Variants in FOXO3 observed in about 807,000 individuals in gnomAD.
The protein encoded by FOXO3 is forkhead box O3.
A neutral mutation model predicts 41.9 loss-of-function variants in FOXO3; 4 were observed. The observed-to-expected ratio is 0.10, with a 90% confidence interval of 0.05 to 0.22. The LOEUF (loss-of-function observed/expected upper bound fraction) is 0.22. FOXO3 is among the 10% of genes least tolerant of loss of function. The probability of loss-of-function intolerance (pLI) is 1.00; values close to 1 mark genes in which losing one functional copy is unlikely to be tolerated. For synonymous variants in FOXO3, 318 were observed against 389.3 expected (o/e 0.82, Z 2.16); for missense variants, 534 against 906.8 (o/e 0.59, Z 5.28).
intron 1 of FOXO3, among the ~76,000 whole-genome samples, chr6:108,597,780 G>A (rs1179687603): frequency 6.6e-6 from 1 of 152,118 alleles, no homozygotes; most frequent in Non-Finnish European, 1.5e-5. Context: ...AGCTATTTCA[G>A]GAACAAACAG....
intron 1 of FOXO3, chr6:108,618,181 C>T: frequency 1.0e-6 from 1 of 997,708 alleles, no homozygotes. Flanking sequence ...GTGGTGTATG[C>T]CTCTTAATCT....
chr6:108,573,416 T>C (rs1371650228), intron 1 of FOXO3, among the ~76,000 whole-genome samples: 1 of 152,232 alleles, frequency 6.6e-6, no homozygotes, highest in Non-Finnish European at 1.5e-5. Flanking sequence ...CCATCTTGAA[T>C]GCTCATCTTC....
chr6:108,579,371 A>G (rs149654110), intron 1 of FOXO3, among the ~76,000 whole-genome samples: 12 of 152,310 alleles, frequency 7.9e-5, no homozygotes, highest in African/African-American at 2.9e-4. Context: ...TGTTGGAACA[A>G]CATCAGAAGG....
intron 1 of FOXO3, among the ~76,000 whole-genome samples, chr6:108,659,377 C>T (rs1778780794): frequency 6.6e-6 from 1 of 152,094 alleles, no homozygotes; most frequent in Non-Finnish European, 1.5e-5. Flanking sequence ...GTGACTTCTG[C>T]ATAATTTGGT....
At chr6:108,582,973 C>T (rs529721780) in intron 1 of FOXO3, among the ~76,000 whole-genome samples, 6 of 152,158 alleles carry the variant, frequency 3.9e-5, no homozygotes, top group Non-Finnish European at 7.3e-5. Flanking sequence ...GATGGAACTC[C>T]TGAGTCCTGA....
At chr6:108,562,934 G>C (rs1775855982) in intron 1 of FOXO3, among the ~76,000 whole-genome samples, 2 of 152,166 alleles carry the variant, frequency 1.3e-5, no homozygotes, top group South Asian at 4.1e-4. Context: ...AGGCCAAAGA[G>C]TCCTGTGCGA....
chr6:108,611,781 T>C (rs1777372196), intron 1 of FOXO3, among the ~76,000 whole-genome samples: 2 of 152,078 alleles, frequency 1.3e-5, no homozygotes, highest in Admixed American at 1.3e-4. Context: ...TTATCAGAAA[T>C]AAGTATTGCC....
intron 1 of FOXO3, among the ~76,000 whole-genome samples, chr6:108,594,528 C>T (rs1263923609): frequency 6.6e-6 from 1 of 152,206 alleles, no homozygotes; most frequent in African/African-American, 2.4e-5. Flanking sequence ...TTCTTCCCTC[C>T]TTCCCTGCCT....
intron 1 of FOXO3, chr6:108,618,434 G>C: frequency 4.4e-6 from 2 of 458,796 alleles, no homozygotes; most frequent in South Asian, 2.1e-5. Flanking sequence ...TTGAGTGCTA[G>C]ATTTTGTTGT....
chr6:108,620,356 A>G (rs572896837), intron 1 of FOXO3, among the ~76,000 whole-genome samples: 25 of 152,274 alleles, frequency 1.6e-4, no homozygotes, highest in African/African-American at 5.5e-4. Context: ...CTTAAATAGG[A>G]GGGAGAAAAT....
intron 2 of FOXO3, among the ~76,000 whole-genome samples, chr6:108,678,452 A>G (rs1770705417): frequency 6.6e-6 from 1 of 150,906 alleles, no homozygotes; most frequent in Admixed American, 6.6e-5. Context: ...GAGGTCTGTC[A>G]TGTCACGTCC....
chr6:108,665,999 G>C (rs1020000917), intron 2 of FOXO3, among the ~76,000 whole-genome samples: 8 of 150,630 alleles, frequency 5.3e-5, no homozygotes, highest in African/African-American at 2.0e-4. Context: ...AATGTTCTCA[G>C]AACCACAAAG....
intron 1 of FOXO3, among the ~76,000 whole-genome samples, chr6:108,615,262 C>T (rs1439936550): frequency 6.6e-6 from 1 of 152,050 alleles, no homozygotes; most frequent in Non-Finnish European, 1.5e-5. Flanking sequence ...GATGAAACTA[C>T]TTTTTAAAAT....
chr6:108,567,400 C>T (rs984228788), intron 1 of FOXO3, among the ~76,000 whole-genome samples: 4 of 152,190 alleles, frequency 2.6e-5, no homozygotes, highest in African/African-American at 9.7e-5. Flanking sequence ...CTGGGATCCC[C>T]AGTTCTGTCT....
chr6:108,671,903 G>T lies in FOXO3; in HGVS notation c.*34+7014G>T, dbSNP rs371988451. On this transcript the variant is annotated intron_variant, in intron 2 of 2. Transcript: ENST00000406360. ...CTAATGCTACAAATGGTGTTGAGGA[G>T]AGCTGTTTGTGGTATCCAAAGTGCT... Among the ~76,000 whole-genome samples, 27 of 152,332 alleles carry T rather than the reference G, an allele frequency of 1.8e-4. No homozygotes were observed. In the East Asian group the frequency reaches 4.8e-3, roughly 27 times the overall value.
chr6:108,645,719 G>C (rs769021476), intron 1 of FOXO3, among the ~76,000 whole-genome samples: 11 of 152,010 alleles, frequency 7.2e-5, no homozygotes, highest in Non-Finnish European at 2.9e-5. Flanking sequence ...CATACATCAG[G>C]GTAGGTATAG....
intron 1 of FOXO3, among the ~76,000 whole-genome samples, chr6:108,582,079 TAAACAG>T (rs750076920): frequency 2.6e-5 from 4 of 152,236 alleles, no homozygotes; most frequent in Non-Finnish European, 4.4e-5. Flanking sequence ...GAATATTATA[TAAACAG>T]TTTTAACTGT....
chr6:108,569,071 T>G (rs1282827279), intron 1 of FOXO3, among the ~76,000 whole-genome samples: 1 of 152,244 alleles, frequency 6.6e-6, no homozygotes, highest in Admixed American at 6.5e-5. Flanking sequence ...AAAGCTGTTA[T>G]GTAAAGCCTT....
At chr6:108,565,176 A>G (rs1775919136) in intron 1 of FOXO3, among the ~76,000 whole-genome samples, 2 of 152,232 alleles carry the variant, frequency 1.3e-5, no homozygotes, top group African/African-American at 4.8e-5. Flanking sequence ...ATAGCTGTCC[A>G]GTGCCTGTCA....
Sources: gnomAD v4.1 joint callset for allele counts (sites outside exome capture counted in the v4.1 genomes callset) on GRCh38, gnomAD v4.1.1 for gene constraint, MANE v1.5 for transcripts, NCBI Gene and HGNC (gene_info 2026-07-23, HGNC 2026-07-21) for gene names.